Variants in CDH18 observed in about 807,000 individuals in gnomAD.
CDH18 encodes cadherin 18.
A neutral mutation model predicts 67.9 loss-of-function variants in CDH18; 31 were observed. The observed-to-expected ratio is 0.46, with a 90% CI of 0.34 to 0.62. CDH18 has a LOEUF of 0.62. Ranked by LOEUF, CDH18 falls within the 20% of genes least tolerant of loss-of-function variation. The probability of loss-of-function intolerance (pLI) is 0.01; values close to 1 mark genes in which losing one functional copy is unlikely to be tolerated. For synonymous variants in CDH18, 362 were observed against 347.2 expected (o/e 1.04, Z -0.48); for missense variants, 890 against 975.5 (o/e 0.91, Z 1.17).
intron 2 of CDH18, among the ~76,000 whole-genome samples, chr5:20,076,183 T>A (rs999776693): frequency 1.3e-5 from 2 of 152,182 alleles, no homozygotes; most frequent in African/African-American, 4.8e-5. Flanking sequence ...TGTTATACAA[T>A]GTACATTTAT....
intron 11 of CDH18, among the ~76,000 whole-genome samples, chr5:19,500,819 A>G (rs1246429026): frequency 6.6e-6 from 1 of 152,094 alleles, no homozygotes; most frequent in African/African-American, 2.4e-5. Context: ...TCATTTAATT[A>G]AGACATTTCA....
At chr5:19,913,543 A>T (rs544190010) in intron 2 of CDH18, among the ~76,000 whole-genome samples, 166 of 152,270 alleles carry the variant, frequency 1.1e-3, no homozygotes, top group African/African-American at 3.8e-3. Context: ...CACCGTTGCA[A>T]ACCTGATATG....
At chr5:19,502,914 A>G (rs569251107) in intron 11 of CDH18, 78 bp downstream of exon 11, 1 of 845,382 alleles carries the variant, frequency 1.2e-6, no homozygotes, top group African/African-American at 1.7e-5. Context: ...GTTTGTGTGT[A>G]TATAAGAATA....
At chr5:20,375,421 T>A (rs1743333408) in intron 1 of CDH18, among the ~76,000 whole-genome samples, 1 of 152,184 alleles carries the variant, frequency 6.6e-6, no homozygotes, top group Admixed American at 6.5e-5. Context: ...TCCATGCATC[T>A]ATTACTCTCT....
At chr5:19,884,061 T>C (rs574331153) in intron 2 of CDH18, among the ~76,000 whole-genome samples, 1 of 152,148 alleles carries the variant, frequency 6.6e-6, no homozygotes, top group Non-Finnish European at 1.5e-5. Flanking sequence ...TATGTTGAAA[T>C]GTATAATCTT....
intron 9 of CDH18, among the ~76,000 whole-genome samples, chr5:19,522,111 T>C (rs1309481518): frequency 6.6e-6 from 1 of 152,046 alleles, no homozygotes; most frequent in Non-Finnish European, 1.5e-5. Flanking sequence ...AGAAAAGAAG[T>C]AAATTTTCAT....
chr5:20,143,193 A>G (rs1750378608), intron 2 of CDH18, among the ~76,000 whole-genome samples: 1 of 152,134 alleles, frequency 6.6e-6, no homozygotes, highest in Admixed American at 6.6e-5. Context: ...TGCTAGAAAT[A>G]TAAATGTTAA....
intron 2 of CDH18, among the ~76,000 whole-genome samples, chr5:20,073,944 A>G (rs1743704174): frequency 6.6e-6 from 1 of 152,044 alleles, no homozygotes; most frequent in African/African-American, 2.4e-5. Context: ...CAATTAATTT[A>G]TCTTAGTTTG....
At chr5:20,134,623 T>A (rs2126491316) in intron 2 of CDH18, among the ~76,000 whole-genome samples, 1 of 152,298 alleles carries the variant, frequency 6.6e-6, no homozygotes, top group East Asian at 1.9e-4. Context: ...ATGGGAACTA[T>A]AATTCAAGAT....
At chr5:20,131,469 T>G (rs1354118771) in intron 2 of CDH18, among the ~76,000 whole-genome samples, 1 of 152,104 alleles carries the variant, frequency 6.6e-6, no homozygotes, top group East Asian at 1.9e-4. Context: ...TTACTTATAT[T>G]AGAGTACGTA....
intron 2 of CDH18, among the ~76,000 whole-genome samples, chr5:19,926,538 T>C (rs969555636): frequency 2.0e-5 from 3 of 152,116 alleles, no homozygotes; most frequent in African/African-American, 7.2e-5. Flanking sequence ...GAAGTTAATA[T>C]AAGGCTAACA....
At chr5:20,545,871 G>T (rs1757314113) in intron 1 of CDH18, among the ~76,000 whole-genome samples, 1 of 152,118 alleles carries the variant, frequency 6.6e-6, no homozygotes, top group Non-Finnish European at 1.5e-5. Context: ...CCATGATCAG[G>T]CTGCAAATTT....
At chr5:20,129,377 C>T (rs887103113) in intron 2 of CDH18, among the ~76,000 whole-genome samples, 7 of 152,056 alleles carry the variant, frequency 4.6e-5, no homozygotes, top group Non-Finnish European at 7.4e-5. Flanking sequence ...ACACAATTTG[C>T]TTTTTATCTA....
intron 1 of CDH18, among the ~76,000 whole-genome samples, chr5:20,470,317 G>A (rs1751957471): frequency 1.3e-5 from 2 of 152,108 alleles, no homozygotes; most frequent in Non-Finnish European, 2.9e-5. Context: ...ACTCTAAATT[G>A]GACTTTTTAC....
rs369187448 is a variant in CDH18, at chr5:20,525,981, AAAC to A, written c.-580+49478_-580+49480del. On this transcript the variant is annotated intron_variant, in intron 1 of 14. Transcript: ENST00000507958. Reference sequence around the variant, plus strand: ...GTTTGACAATGAGAGTAGCAAAAGAAAACAATATTGGCCAGTTAAGAATGAAAT... The same window carrying A: ...GTTTGACAATGAGAGTAGCAAAAGAAAATATTGGCCAGTTAAGAATGAAAT... Among the ~76,000 whole-genome samples, 21 of 151,502 alleles carry A rather than the reference AAAC, an allele frequency of 1.4e-4. 1 individual carries two copies. The East Asian group carries it at 2.3e-3, about 17-fold the overall frequency.
intron 1 of CDH18, among the ~76,000 whole-genome samples, chr5:20,557,368 T>C (rs75635208): frequency 6.6e-6 from 1 of 151,830 alleles, no homozygotes; most frequent in African/African-American, 2.4e-5. Flanking sequence ...GGTGTTCAGA[T>C]AAAAATAGTG....
intron 8 of CDH18, among the ~76,000 whole-genome samples, chr5:19,544,518 C>A (rs1445654133): frequency 6.0e-5 from 9 of 151,124 alleles, no homozygotes; most frequent in East Asian, 1.9e-4. Flanking sequence ...TCAACTAAAC[C>A]CTTGTTTAGT....
intron 1 of CDH18, among the ~76,000 whole-genome samples, chr5:20,537,815 GAA>G (rs1253031605): frequency 6.6e-6 from 1 of 152,122 alleles, no homozygotes; most frequent in African/African-American, 2.4e-5. Context: ...CTATCTTTGG[GAA>G]ATGTACTTTG....
intron 1 of CDH18, among the ~76,000 whole-genome samples, chr5:20,409,668 A>T (rs1388052987): frequency 1.3e-5 from 2 of 151,710 alleles, no homozygotes; most frequent in African/African-American, 4.8e-5. Flanking sequence ...AGCAGAAATA[A>T]AGCCAATAGA....
Sources: gnomAD v4.1 joint callset for allele counts (sites outside exome capture counted in the v4.1 genomes callset) on GRCh38, gnomAD v4.1.1 for gene constraint, MANE v1.5 for transcripts, NCBI Gene and HGNC (gene_info 2026-07-23, HGNC 2026-07-21) for gene names.